Variants in ANKK1 observed in about 807,000 individuals in gnomAD.
The protein encoded by ANKK1 is ankyrin repeat and kinase domain containing 1.
In ANKK1, 37 loss-of-function variants were observed where a neutral mutation model predicts 37.6. The ratio of observed to expected loss-of-function variants is 0.98; its 90% CI spans 0.76 to 1.29. The LOEUF is 1.29. Among genes scored for constraint, ANKK1 ranks in the 50% most tolerant of loss-of-function variants. ANKK1 has a pLI of 0.00. For missense variants in ANKK1, 1,019 were observed against 990.6 expected, an observed-to-expected ratio of 1.03 and a Z score of -0.39; for synonymous variants, 415 against 418.7, an observed-to-expected ratio of 0.99 and a Z score of 0.11.
intron 5 of ANKK1, 143 bp from the exon 6 acceptor site, chr11:113,397,081 T>G: frequency 1.5e-6 from 1 of 682,480 alleles, no homozygotes; most frequent in Non-Finnish European, 2.4e-6. Flanking sequence ...CCAGGTTTCC[T>G]GCCTTCTCGT....
rs760609097 is a variant in ANKK1, at chr11:113,399,946, C to T, written c.1977C>T (p.Gly659=). Residue 659 remains glycine (G), a synonymous_variant, in exon 8 of 8, where the codon GGC becomes GGT. Transcript: ENST00000303941. ...ACCCCAATGCTGCAGAGCAGTCAGG[C>T]TGGACACCCCTCCACCTGGCGGTCC... is the stretch of plus-strand genomic sequence containing the variant. ...GADPNAAEQS[G]WTPLHLAVQR... 1.2e-6 allele frequency: 2 copies of T among 1,613,642 alleles called. No individual in the cohort carries two copies. Among genetic ancestry groups the T allele is most frequent in the Non-Finnish European group, 1.7e-6 (2 of 1,179,898 alleles).
In ANKK1 at chr11:113,387,851, G is replaced by A. The variant is rs770373484; in HGVS notation, c.-34G>A. The A allele has an allele frequency of 2.7e-6, 4 of 1,464,446 alleles. No individual in the cohort carries two copies. Among genetic ancestry groups the A allele is most frequent in the East Asian group, 5.3e-5 (2 of 37,962 alleles). The allele number at this position is 1,464,446 out of a possible 1,614,324, so 90.7% of individuals were successfully genotyped here. On this transcript the variant is annotated 5_prime_UTR_variant, in exon 1 of 8. Coordinates refer to ENST00000303941, the MANE Select transcript of ANKK1 (RefSeq NM_178510.2). The stretch of plus-strand genomic sequence containing the variant: ...CCACCCAGGCAGCAGCCACAGCGGG[G>A]AGTGCGCGGCGCGGGGACAGGAAGA...
Position 113,400,165 on chromosome 11 carries a change from C to T in ANKK1, c.2196C>T (p.Ala732=), listed in dbSNP as rs2138142936. 1 of 1,589,258 alleles carries T rather than the reference C, an allele frequency of 6.3e-7. No homozygotes were observed. Among genetic ancestry groups the T allele is most frequent in the South Asian group, 1.1e-5 (1 of 88,030 alleles). The stretch of plus-strand genomic sequence containing the variant: ...TGAGCTGCACACCCCTGCAACTGGC[C>T]CTCCGCAGCCGAAAGCAGGGCATCA... ...DGVSCTPLQL[A]LRSRKQGIMS... is the part of the protein sequence containing the mutation. Residue 732 remains alanine, a synonymous_variant, in exon 8 of 8, where the codon GCC becomes GCT. Coordinates refer to ENST00000303941, the MANE Select transcript of ANKK1 (RefSeq NM_178510.2).
At chr11:113,396,381 C>G (rs1284768382) in intron 5 of ANKK1, among the ~76,000 whole-genome samples, 159 bp downstream of exon 5, 1 of 149,414 alleles carries the variant, frequency 6.7e-6, no homozygotes, top group East Asian at 2.0e-4. Context: ...TCTCTCTGGT[C>G]CAGGCTGGAG....
In ANKK1 at chr11:113,399,412, C is replaced by A. The variant is rs1950672084; in HGVS notation, c.1443C>A (p.Val481=). The A allele has an allele frequency of 1.2e-6, 2 of 1,600,134 alleles. No homozygotes were observed. Among genetic ancestry groups the A allele is most frequent in the Non-Finnish European group, 8.5e-7 (1 of 1,173,824 alleles). ...NNFENVARLL[V]SRQADPNLHE... The stretch of plus-strand genomic sequence containing the variant: ...TTGAGAATGTGGCACGGCTTCTGGT[C>A]TCCCGTCAGGCTGACCCCAACCTGC... Residue 481 remains valine (V), a synonymous_variant, in exon 8 of 8, where the codon GTC becomes GTA. Transcript: ENST00000303941.
In ANKK1 at chr11:113,397,135, G is replaced by C. The variant is rs943967792; in HGVS notation, c.839-89G>C. The C allele has an allele frequency of 1.5e-5, 16 of 1,077,602 alleles. No individual in the cohort carries two copies. In the African/African-American group the frequency reaches 2.5e-4, roughly 17 times the overall value. The allele number at this position is 1,077,602 out of a possible 1,614,324, so 66.8% of individuals were successfully genotyped here. A position where few individuals can be genotyped will look rare whatever the true frequency, so the allele number is the denominator to read the frequency against. On this transcript the variant is annotated intron_variant, in intron 5 of 7. Transcript: ENST00000303941. Reference sequence around the variant, plus strand: ...GTGAGCCCAGGAATGGATTTTGGGAGACAGGAATGTTAGGGTATCTAAAAC... The same window carrying C: ...GTGAGCCCAGGAATGGATTTTGGGACACAGGAATGTTAGGGTATCTAAAAC...
intron 7 of ANKK1, among the ~76,000 whole-genome samples, chr11:113,398,236 G>T (rs1286138370): frequency 2.0e-5 from 3 of 151,506 alleles, no homozygotes; most frequent in Admixed American, 6.6e-5. Context: ...CTTGCAAGAC[G>T]GAATTTTCCC....
chr11:113,387,920 C>A lies in ANKK1; in HGVS notation c.36C>A (p.Ser12Arg). 1 of 1,565,940 alleles carries A rather than the reference C, an allele frequency of 6.4e-7. No homozygotes were observed. Among genetic ancestry groups the A allele is most frequent in the Non-Finnish European group, 8.6e-7 (1 of 1,161,114 alleles). The change falls in exon 1 of 8, where the codon AGC (serine) becomes AGA (arginine). Residue 12 changes from serine to arginine, a missense_variant. Ser to Arg is a moderately radical substitution (Grantham distance 110). Coordinates refer to ENST00000303941, the MANE Select transcript of ANKK1 (RefSeq NM_178510.2). ...AADPTELRLG[S>R]LPVFTRDDFE... Reference sequence around the variant, plus strand: ...ACCCCACCGAGCTGCGGCTGGGCAGCCTCCCCGTCTTCACCCGCGACGACT... The same window carrying A: ...ACCCCACCGAGCTGCGGCTGGGCAGACTCCCCGTCTTCACCCGCGACGACT...
chr11:113,397,219 A>T lies in ANKK1; in HGVS notation c.839-5A>T. 1 of 1,604,514 alleles carries T rather than the reference A, an allele frequency of 6.2e-7. No homozygotes were observed. Among genetic ancestry groups the T allele is most frequent in the Non-Finnish European group, 8.5e-7 (1 of 1,178,616 alleles). ...TTTCCTGTCTTTCTCCCACTCATGG[A>T]GCAGACATTACCATCGAGACAGACA... On this transcript the variant is annotated splice_region_variant and splice_polypyrimidine_tract_variant and intron_variant, in intron 5 of 7. Coordinates refer to ENST00000303941, the MANE Select transcript of ANKK1 (RefSeq NM_178510.2).
At chr11:113,390,991 A>G (rs1950583086) in intron 1 of ANKK1, among the ~76,000 whole-genome samples, 1 of 152,198 alleles carries the variant, frequency 6.6e-6, no homozygotes, top group African/African-American at 2.4e-5. Context: ...TATTAATGCC[A>G]GGGCCCTCTG....
intron 1 of ANKK1, among the ~76,000 whole-genome samples, chr11:113,390,421 C>T (rs1219398195): frequency 1.3e-5 from 2 of 152,160 alleles, no homozygotes; most frequent in Non-Finnish European, 2.9e-5. Context: ...ACTTGGGAGT[C>T]ATTTGTTATA....
At chr11:113,398,089 C>A in intron 7 of ANKK1, 73 bp downstream of exon 7, 1 of 1,518,406 alleles carries the variant, frequency 6.6e-7, no homozygotes, top group Non-Finnish European at 8.9e-7. Flanking sequence ...CACCCTTTCC[C>A]CATCCCCCTG....
rs1235867436 is a variant in ANKK1 at position 113,399,034 on chromosome 11, A to G, written c.1065A>G (p.Glu355=). The part of the protein sequence containing the change: ...DRKNLVPRDE[E]LCIYENKVTP... The stretch of plus-strand genomic sequence containing the variant: ...AGAATTTGGTCCCGAGAGATGAGGA[A>G]CTGTGTATCTATGAGAACAAGGTCA... Residue 355 remains glutamate, a synonymous_variant, in exon 8 of 8, where the codon GAA becomes GAG. Transcript: ENST00000303941. 12 of 1,602,916 alleles carry G rather than the reference A, an allele frequency of 7.5e-6. 1 individual carries two copies. In the South Asian group the frequency reaches 1.2e-4, roughly 17 times the overall value.
At chr11:113,395,501 G>C (rs564113486) in intron 4 of ANKK1, 93 bp downstream of exon 4, 5 of 1,385,332 alleles carry the variant, frequency 3.6e-6, no homozygotes, top group East Asian at 2.4e-5. Flanking sequence ...GGTTGGGGGG[G>C]GTCAAGTTGC....
At position 113,399,311 on chromosome 11, in the gene ANKK1, C is replaced by T. The variant is rs2587555; in HGVS notation, c.1342C>T (p.Leu448=). 7 of 1,600,916 alleles carry T rather than the reference C, an allele frequency of 4.4e-6. No homozygotes were observed. Among genetic ancestry groups the T allele is most frequent in the Non-Finnish European group, 6.0e-6 (7 of 1,174,188 alleles). The part of the protein sequence containing the change: ...NGDDGTARLL[L]DHGACVDAQE... Reference sequence around the variant, plus strand: ...GGATGACGGCACTGCGCGCCTGCTCCTGGACCACGGGGCCTGTGTGGATGC... The same window carrying T: ...GGATGACGGCACTGCGCGCCTGCTCTTGGACCACGGGGCCTGTGTGGATGC... Residue 448 remains leucine, a synonymous_variant, in exon 8 of 8, where the codon CTG becomes TTG. Coordinates refer to ENST00000303941, the MANE Select transcript of ANKK1 (RefSeq NM_178510.2).
In ANKK1 at chr11:113,399,975, G is replaced by T. The variant is rs762136964; in HGVS notation, c.2006G>T (p.Arg669Met). Residue 669 changes from arginine to methionine, a missense_variant, in exon 8 of 8, where the codon AGG (arginine) becomes ATG (methionine). Coordinates refer to ENST00000303941, the MANE Select transcript of ANKK1 (RefSeq NM_178510.2). ...GWTPLHLAVQ[R>M]STFLSVINLL... Reference sequence around the variant, plus strand: ...ACACCCCTCCACCTGGCGGTCCAGAGGAGCACCTTCCTGAGTGTCATCAAC... The same window carrying T: ...ACACCCCTCCACCTGGCGGTCCAGATGAGCACCTTCCTGAGTGTCATCAAC... 2 of 1,613,600 alleles carry T rather than the reference G, an allele frequency of 1.2e-6. No individual in the cohort carries two copies. The highest frequency in any genetic ancestry group is 1.7e-6 in the Non-Finnish European group (2 of 1,179,878).
intron 1 of ANKK1, among the ~76,000 whole-genome samples, chr11:113,390,941 T>G (rs139374310): frequency 1.3e-5 from 2 of 152,354 alleles, no homozygotes; most frequent in East Asian, 3.9e-4. Context: ...TAAGAAGGGT[T>G]GAGAAGTCTG....
rs146480879 is a variant in ANKK1 at position 113,400,055 on chromosome 11, G to A, written c.2086G>A (p.Ala696Thr). 2,632 of 1,613,430 alleles carry A rather than the reference G, an allele frequency of 1.6e-3. 4 individuals carry two copies. Among genetic ancestry groups the A allele is most frequent in the Non-Finnish European group, 2.0e-3 (2,377 of 1,179,784 alleles). The part of the protein sequence containing the change: ...HARNKVGWTP[A>T]HLAALKGNTA... ...CCGCAACAAGGTGGGCTGGACACCCGCCCACCTGGCCGCCCTCAAGGGCAA... is the reference window on the plus strand; with the variant it reads ...CCGCAACAAGGTGGGCTGGACACCCACCCACCTGGCCGCCCTCAAGGGCAA... Residue 696 changes from alanine to threonine, a missense_variant, in exon 8 of 8, where the codon GCC becomes ACC. Transcript: ENST00000303941.
At chr11:113,395,136 A>G in intron 3 of ANKK1, 56 bp downstream of exon 3, 2 of 1,542,444 alleles carry the variant, frequency 1.3e-6, no homozygotes, top group Non-Finnish European at 1.8e-6. Context: ...TGCTGCCACC[A>G]CCCTGCCTGG....
Sources: allele counts gnomAD v4.1 joint callset (sites outside exome capture counted in the v4.1 genomes callset), GRCh38; gene constraint gnomAD v4.1.1; transcripts MANE v1.5; gene names NCBI Gene and HGNC (gene_info 2026-07-23, HGNC 2026-07-21).